ABCA13: variants seen among roughly 807,000 people sequenced by gnomAD.
ABCA13 encodes the protein ATP-binding cassette sub-family A member 13.
Under a neutral mutation model 478.7 loss-of-function variants are expected in ABCA13, and 476 were observed. The observed-to-expected ratio is 0.99, with a 90% CI of 0.92 to 1.07. The LOEUF (loss-of-function observed/expected upper bound fraction) is 1.07, where lower values mean the gene tolerates loss of function less well. Among genes scored for constraint, ABCA13 ranks in the 50% least tolerant of loss-of-function variants. The probability of loss-of-function intolerance (pLI) is 0.00; values close to 1 mark genes in which losing one functional copy is unlikely to be tolerated. For missense variants in ABCA13, 6,060 were observed against 5,910.6 expected, an observed-to-expected ratio of 1.03 and a Z score of -0.83; for synonymous variants, 2,252 against 2,158.9, an observed-to-expected ratio of 1.04 and a Z score of -1.20.
At chr7:48,231,656 C>CTAT (rs151023674) in intron 7 of ABCA13, among the ~76,000 whole-genome samples, 91 of 150,738 alleles carry the variant, frequency 6.0e-4, no homozygotes, top group Middle Eastern at 3.5e-3. Flanking sequence ...GTCTCCTGAA[C>CTAT]TATTATTATT....
At chr7:48,541,817 C>T (rs141823788) in intron 55 of ABCA13, among the ~76,000 whole-genome samples, 17 of 149,576 alleles carry the variant, frequency 1.1e-4, no homozygotes, top group African/African-American at 4.1e-4. Context: ...TGACAGATAA[C>T]AGAGCAGGCA....
At chr7:48,523,743 T>C (rs1418440603) in intron 53 of ABCA13, among the ~76,000 whole-genome samples, 1 of 152,152 alleles carries the variant, frequency 6.6e-6, no homozygotes, top group Non-Finnish European at 1.5e-5. Flanking sequence ...TTTGCATTCC[T>C]CTGATAGATA....
At position 48,276,394 on chromosome 7, in the gene ABCA13, A is replaced by C. The variant is rs757284340; in HGVS notation, c.6728A>C (p.Asn2243Thr). The C allele has an allele frequency of 2.6e-6, 4 of 1,557,746 alleles. No individual in the cohort carries two copies. The Admixed American group carries it at 7.6e-5, about 30-fold the overall frequency. ...QIMNFINLIL[N>T]HMQSETSRKT... is the part of the protein sequence containing the mutation. Reference sequence around the variant, plus strand: ...ATGAATTTCATTAACCTTATCTTGAACCATATGCAGTCAGAAACTAGTAGG... The same window carrying C: ...ATGAATTTCATTAACCTTATCTTGACCCATATGCAGTCAGAAACTAGTAGG... The change falls in exon 17 of 62, where the codon AAC becomes ACC. Residue 2243 changes from asparagine (N) to threonine (T), a missense_variant. Physicochemically the swap from Asn to Thr is moderately conservative, Grantham distance 65 (BLOSUM62 0). Around this residue, in one of 3 missense-constraint regions of ABCA13, gnomAD observed 4,423 missense variants for 4,309.1 expected, o/e 1.03. Transcript: ENST00000435803.
In ABCA13 at chr7:48,389,232, T is replaced by C; in HGVS notation, c.11654+12T>C. On this transcript the variant is annotated intron_variant, in intron 37 of 61. Transcript: ENST00000435803. ...AAAACCACTATCATGTGGGTCCCAT[T>C]TTACCCTTATCAAACACTGGGCATT... is the stretch of plus-strand genomic sequence containing the variant. 6.2e-7 allele frequency: 1 copy of C among 1,602,834 alleles called. No homozygotes were observed. Among genetic ancestry groups the C allele is most frequent in the Admixed American group, 1.7e-5 (1 of 58,588 alleles).
intron 35 of ABCA13, among the ~76,000 whole-genome samples, chr7:48,381,733 G>A (rs909516229): frequency 6.6e-6 from 1 of 152,136 alleles, no homozygotes; most frequent in Non-Finnish European, 1.5e-5. Flanking sequence ...GGGCAATGCT[G>A]ATTAGTTTCC....
chr7:48,467,155 T>C (rs963287492), intron 44 of ABCA13, 110 bp downstream of exon 44: 32 of 1,114,320 alleles, frequency 2.9e-5, no homozygotes, highest in Non-Finnish European at 4.1e-5. Flanking sequence ...AAGTTTATGT[T>C]ATAAAAAATG....
intron 27 of ABCA13, among the ~76,000 whole-genome samples, chr7:48,323,829 C>T (rs926754888): frequency 1.3e-5 from 2 of 152,168 alleles, no homozygotes; most frequent in Non-Finnish European, 2.9e-5. Flanking sequence ...ATAACTGAAT[C>T]ACCGGGGCAG....
chr7:48,307,484 T>G (rs1030335147), intron 23 of ABCA13, among the ~76,000 whole-genome samples: 1 of 152,154 alleles, frequency 6.6e-6, no homozygotes, highest in African/African-American at 2.4e-5. Context: ...TTGGCATGAA[T>G]AAAGCTACAG....
At chr7:48,422,191 T>C (rs1228355970) in intron 41 of ABCA13, among the ~76,000 whole-genome samples, 2 of 151,902 alleles carry the variant, frequency 1.3e-5, no homozygotes, top group East Asian at 3.9e-4. Context: ...CTGTTTGTTG[T>C]TGTTTTTTTC....
chr7:48,334,320 C>T (rs1425982117), intron 27 of ABCA13, among the ~76,000 whole-genome samples: 1 of 151,010 alleles, frequency 6.6e-6, no homozygotes, highest in East Asian at 2.0e-4. Context: ...TTAATACTTA[C>T]AAGAGTCTCT....
intron 36 of ABCA13, among the ~76,000 whole-genome samples, chr7:48,388,763 CTACT>C (rs551217494): frequency 1.5e-4 from 23 of 152,194 alleles, no homozygotes; most frequent in Non-Finnish European, 3.2e-4. Flanking sequence ...GTTTTTTTCT[CTACT>C]TAAACAAAAA....
intron 57 of ABCA13, among the ~76,000 whole-genome samples, chr7:48,587,866 A>G (rs1789344130): frequency 6.6e-6 from 1 of 152,206 alleles, no homozygotes; most frequent in Non-Finnish European, 1.5e-5. Flanking sequence ...CAAGAAATGG[A>G]GTTAATTATC....
chr7:48,305,088 C>T (rs753407438), intron 23 of ABCA13, among the ~76,000 whole-genome samples: 23 of 152,208 alleles, frequency 1.5e-4, no homozygotes, highest in Admixed American at 8.5e-4. Context: ...TTAGTAGTAA[C>T]GTCATTTTTG....
In ABCA13 at chr7:48,275,507, C is replaced by T; in HGVS notation, c.5841C>T (p.Ser1947=). The T allele has an allele frequency of 6.2e-7, 1 of 1,613,850 alleles. No individual in the cohort carries two copies. Among genetic ancestry groups the T allele is most frequent in the Non-Finnish European group, 8.5e-7 (1 of 1,179,840 alleles). ...DSISELCPSG[S]IKQVALQIIE... is the part of the protein sequence containing the mutation. The stretch of plus-strand genomic sequence containing the variant: ...TCTCTGAACTCTGTCCTAGTGGTTC[C>T]ATAAAGCAAGTTGCTTTGCAAATCA... The change falls in exon 17 of 62, where the codon TCC becomes TCT. Residue 1947 remains serine (S), a synonymous_variant. Transcript: ENST00000435803.
intron 1 of ABCA13, among the ~76,000 whole-genome samples, chr7:48,191,035 T>C (rs1164472405): frequency 7.2e-5 from 11 of 152,128 alleles, no homozygotes; most frequent in Admixed American, 3.9e-4. Flanking sequence ...GTGTTTATTA[T>C]TCTTAATGCT....
chr7:48,396,479 C>T (rs551853833), intron 38 of ABCA13, among the ~76,000 whole-genome samples: 13 of 152,242 alleles, frequency 8.5e-5, no homozygotes, highest in African/African-American at 2.9e-4. Context: ...CCATGCAGCT[C>T]GGAGAGGGAA....
intron 3 of ABCA13, among the ~76,000 whole-genome samples, chr7:48,216,118 A>G (rs1786434569): frequency 6.6e-6 from 1 of 152,176 alleles, no homozygotes; most frequent in Non-Finnish European, 1.5e-5. Context: ...TCTCTTGAGT[A>G]TATGCTAGGT....
At chr7:48,175,024 A>G (rs994152661) in intron 1 of ABCA13, among the ~76,000 whole-genome samples, 2 of 152,198 alleles carry the variant, frequency 1.3e-5, no homozygotes, top group African/African-American at 4.8e-5. Flanking sequence ...GGTCAAGGTA[A>G]GGAAACATTG....
At position 48,239,255 on chromosome 7, in the gene ABCA13, T is replaced by C. The variant is rs1321199756; in HGVS notation, c.912T>C (p.Thr304=). The change falls in exon 9 of 62, where the codon ACT becomes ACC. Residue 304 remains threonine (T), a synonymous_variant. Transcript: ENST00000435803. ...SAELKEIPTD[T]SLEKMVCSVL... ...ATTGTTGTCAGATTCCCACAGACAC[T>C]TCCTTGGAGAAGATGGTGTGTTCAG... 6.2e-7 allele frequency: 1 copy of C among 1,613,836 alleles called. No individual in the cohort carries two copies. The highest frequency in any genetic ancestry group is 8.5e-7 in the Non-Finnish European group (1 of 1,179,864).
Sources: gnomAD v4.1 joint callset for allele counts (sites outside exome capture counted in the v4.1 genomes callset) on GRCh38, gnomAD v4.1.1 for gene constraint, gnomAD v4.1.1 regional missense constraint, MANE v1.5 for transcripts, NCBI Gene and HGNC (gene_info 2026-07-23, HGNC 2026-07-21) for gene names.